Variants in SNX29 observed in about 807,000 individuals in gnomAD.
SNX29 encodes sorting nexin 29, also known as sorting nexin-29.
A neutral mutation model predicts 102.1 loss-of-function variants in SNX29; 78 were observed. The observed-to-expected ratio is 0.76, with a 90% confidence interval of 0.64 to 0.92. SNX29 has a LOEUF of 0.92. SNX29 is among the 40% of genes least tolerant of loss of function. The pLI is 0.00. For synonymous variants in SNX29, 580 were observed against 414.5 expected (o/e 1.40, Z -4.85); for missense variants, 1,280 against 1,061.7 (o/e 1.21, Z -2.86).
At chr16:12,084,933 G>T (rs1053951632) in intron 11 of SNX29, among the ~76,000 whole-genome samples, 1 of 152,080 alleles carries the variant, frequency 6.6e-6, no homozygotes, top group Non-Finnish European at 1.5e-5. Flanking sequence ...ACCTGGATAT[G>T]GTGGTGCGTA....
At chr16:12,189,803 A>AGTGATAATAAT (rs1270715983) in intron 13 of SNX29, among the ~76,000 whole-genome samples, 2 of 152,036 alleles carry the variant, frequency 1.3e-5, no homozygotes, top group Non-Finnish European at 2.9e-5. Context: ...GCATCAAAAC[A>AGTGATAATAAT]GTGATAATAA....
intron 16 of SNX29, among the ~76,000 whole-genome samples, chr16:12,392,864 G>T (rs1016798807): frequency 6.6e-6 from 1 of 152,152 alleles, no homozygotes; most frequent in African/African-American, 2.4e-5. Flanking sequence ...AGAACTGGGG[G>T]GCTTTGTCCT....
intron 19 of SNX29, among the ~76,000 whole-genome samples, chr16:12,489,892 A>G (rs567015102): frequency 9.2e-5 from 14 of 151,540 alleles, no homozygotes; most frequent in Admixed American, 8.5e-4. Flanking sequence ...CGCAACCTCT[A>G]CCTCCTGGGT....
At chr16:12,542,219 C>G (rs1295892455) in intron 20 of SNX29, among the ~76,000 whole-genome samples, 2 of 152,126 alleles carry the variant, frequency 1.3e-5, no homozygotes, top group African/African-American at 2.4e-5. Flanking sequence ...ATCTGCAACT[C>G]AGAGGGATAG....
At chr16:12,546,362 G>C (rs550497541) in intron 20 of SNX29, 1 of 152,278 alleles carries the variant, frequency 6.6e-6, no homozygotes, top group South Asian at 2.1e-4. Context: ...TGTGGCTGGG[G>C]AGGCCTCACA....
intron 15 of SNX29, among the ~76,000 whole-genome samples, chr16:12,279,850 A>G (rs1399504445): frequency 1.3e-5 from 2 of 152,206 alleles, no homozygotes; most frequent in East Asian, 3.9e-4. Context: ...GGTTCTCAGA[A>G]TGAAAGTGCA....
rs528468654 is a variant in SNX29 at position 12,553,757 on chromosome 16, TTTTTTCC to T, written c.2319-14746_2319-14740del. ...CACATGCCACCACCCCCAGCCTAGT[TTTTTTCC>T]TTAAGTACAGACAGGGTTTCACCAT... On this transcript the variant is annotated intron_variant, in intron 20 of 20. Transcript: ENST00000566228. Among the ~76,000 whole-genome samples, 746 of 152,106 alleles carry T rather than the reference TTTTTTCC, an allele frequency of 4.9e-3. 6 individuals carry two copies. The highest frequency in any genetic ancestry group is 0.02 in the Middle Eastern group (6 of 294).
intron 19 of SNX29, among the ~76,000 whole-genome samples, chr16:12,483,775 C>T (rs951563601): frequency 6.6e-6 from 1 of 152,178 alleles, no homozygotes; most frequent in African/African-American, 2.4e-5. Context: ...GGGTTCCAGG[C>T]TGCTGGAGGC....
chr16:12,114,122 C>G (rs545605219), intron 11 of SNX29, among the ~76,000 whole-genome samples: 5 of 152,306 alleles, frequency 3.3e-5, no homozygotes, highest in Non-Finnish European at 5.9e-5. Context: ...CCTCCCGTGC[C>G]AACTCAGTGT....
At chr16:12,491,672 C>A (rs1343191917) in intron 19 of SNX29, among the ~76,000 whole-genome samples, 1 of 152,128 alleles carries the variant, frequency 6.6e-6, no homozygotes, top group Non-Finnish European at 1.5e-5. Flanking sequence ...AATGCTATCC[C>A]TCCCCCTTCC....
chr16:12,023,577 C>CAAAAA (rs542942692), intron 3 of SNX29, among the ~76,000 whole-genome samples: 20 of 135,362 alleles, frequency 1.5e-4, no homozygotes, highest in South Asian at 4.8e-4. Flanking sequence ...GACCCTGTCT[C>CAAAAA]AAAAAAAAAA....
At chr16:12,374,277 C>G (rs1478769797) in intron 16 of SNX29, 4 of 112,500 alleles carry the variant, frequency 3.6e-5, no homozygotes, top group African/African-American at 7.6e-5. Context: ...CCCCTGGACT[C>G]ACACAGTCTG....
At chr16:12,240,508 G>C (rs1051456214) in intron 14 of SNX29, among the ~76,000 whole-genome samples, 1 of 145,846 alleles carries the variant, frequency 6.9e-6, no homozygotes, top group Non-Finnish European at 1.5e-5. Context: ...TTTTTTTTCT[G>C]TCGGTTTTTG....
At chr16:12,105,070 C>T (rs1332405747) in intron 11 of SNX29, among the ~76,000 whole-genome samples, 1 of 152,202 alleles carries the variant, frequency 6.6e-6, no homozygotes, top group Non-Finnish European at 1.5e-5. Context: ...TTTGGAATTC[C>T]AGGGAAGTCA....
chr16:12,150,854 G>A (rs949560278), intron 13 of SNX29, among the ~76,000 whole-genome samples: 2 of 152,082 alleles, frequency 1.3e-5, no homozygotes, highest in Non-Finnish European at 2.9e-5. Flanking sequence ...CAAGAGATAC[G>A]GTCATTTAAC....
chr16:12,572,040 G>T lies in SNX29; in HGVS notation c.*3411G>T, dbSNP rs1405168226. ...TGGCTATAAAAGGGATCATCCAGTG[G>T]AGTTGTAAACAAGGGAACCATCTTG... On this transcript the variant is annotated 3_prime_UTR_variant, in exon 21 of 21. Coordinates refer to ENST00000566228, the MANE Select transcript of SNX29 (RefSeq NM_032167.5). The T allele has an allele frequency of 2.8e-6, 3 of 1,063,414 alleles. No individual in the cohort carries two copies. The highest frequency in any genetic ancestry group is 5.0e-5 in the East Asian group (1 of 19,896). 65.9% of individuals were successfully genotyped at this position (1,063,414 alleles called of 1,614,324 possible).
chr16:12,138,545 T>C (rs350278), intron 13 of SNX29, among the ~76,000 whole-genome samples: 97,927 of 151,758 alleles, frequency 0.65, 32,253 homozygotes, highest in East Asian at 0.91. Context: ...TTATATTCTG[T>C]TTGGTAAAAG....
intron 20 of SNX29, among the ~76,000 whole-genome samples, chr16:12,561,459 C>G (rs927332001): frequency 2.0e-5 from 3 of 152,142 alleles, no homozygotes; most frequent in Admixed American, 2.0e-4. Context: ...TCAAAGGCAG[C>G]TCCTAGTAAG....
Position 12,542,871 on chromosome 16 carries a change from G to A in SNX29, c.2318+18030G>A, listed in dbSNP as rs541317954. 1.7e-4 allele frequency among the ~76,000 whole-genome samples: 26 copies of A among 152,108 alleles called. No individual in the cohort carries two copies. The South Asian group carries it at 5.2e-3, about 30-fold the overall frequency. On this transcript the variant is annotated intron_variant, in intron 20 of 20. Transcript: ENST00000566228. Reference sequence around the variant, plus strand: ...GTACTCAGAAATGCTAAATGTCTGAGTCTCTAGAGGTCCCAGAAACATGAT... The same window carrying A: ...GTACTCAGAAATGCTAAATGTCTGAATCTCTAGAGGTCCCAGAAACATGAT...
Sources: allele counts gnomAD v4.1 joint callset (sites outside exome capture counted in the v4.1 genomes callset), GRCh38; gene constraint gnomAD v4.1.1; transcripts MANE v1.5; gene names NCBI Gene and HGNC (gene_info 2026-07-23, HGNC 2026-07-21).